Variants in CHRNA7 observed in about 807,000 individuals in gnomAD.
CHRNA7 encodes cholinergic receptor nicotinic alpha 7 subunit.
CHRNA7 carries 17 observed loss-of-function variants against 48.0 expected under a neutral mutation model. The observed-to-expected ratio is 0.35, with a 90% confidence interval of 0.24 to 0.53. The LOEUF is 0.53. CHRNA7 is among the 20% of genes least tolerant of loss of function. The pLI is 0.92. For missense variants in CHRNA7, 155 were observed against 577.7 expected (o/e 0.27, Z 7.50); for synonymous variants, 75 against 242.3 (o/e 0.31, Z 6.41).
chr15:32,114,051 T>TAC (rs1566848908), intron 4 of CHRNA7, among the ~76,000 whole-genome samples: 8 of 57,260 alleles, frequency 1.4e-4, no homozygotes, highest in African/African-American at 4.0e-4. Context: ...TATGTATATA[T>TAC]ATATATATAC....
chr15:32,122,434 A>G (rs2050987599), intron 4 of CHRNA7, among the ~76,000 whole-genome samples: 1 of 152,154 alleles, frequency 6.6e-6, no homozygotes, highest in Admixed American at 6.5e-5. Flanking sequence ...AGGATTATGC[A>G]TTTGAAATTA....
intron 2 of CHRNA7, among the ~76,000 whole-genome samples, chr15:32,033,028 G>A (rs975588318): frequency 6.6e-6 from 1 of 152,184 alleles, no homozygotes; most frequent in Non-Finnish European, 1.5e-5. Flanking sequence ...GGCACTTTGT[G>A]TCAATGACAT....
intron 4 of CHRNA7, among the ~76,000 whole-genome samples, chr15:32,151,915 T>C (rs2051637812): frequency 6.6e-6 from 1 of 152,182 alleles, no homozygotes. Context: ...TGCCTGAGGC[T>C]CTGTAGTCAT....
At chr15:32,136,029 T>C (rs2141326264) in intron 4 of CHRNA7, among the ~76,000 whole-genome samples, 1 of 152,266 alleles carries the variant, frequency 6.6e-6, no homozygotes, top group South Asian at 2.1e-4. Context: ...GGAAAACATA[T>C]ACTAAAGGAG....
At chr15:32,130,873 T>C (rs933800422) in intron 4 of CHRNA7, among the ~76,000 whole-genome samples, 1 of 152,128 alleles carries the variant, frequency 6.6e-6, no homozygotes, top group Non-Finnish European at 1.5e-5. Flanking sequence ...CTCTTAGTTT[T>C]TTCTTCATCT....
intron 2 of CHRNA7, among the ~76,000 whole-genome samples, chr15:32,060,340 G>A (rs1222632025): frequency 6.6e-6 from 1 of 151,648 alleles, no homozygotes; most frequent in East Asian, 1.9e-4. Context: ...ATACATACCT[G>A]TGTGTGTGTG....
chr15:32,150,785 A>G (rs1049119023), intron 4 of CHRNA7, among the ~76,000 whole-genome samples: 6 of 152,194 alleles, frequency 3.9e-5, no homozygotes, highest in South Asian at 2.1e-4. Context: ...GATACTATCC[A>G]GAGTGAGCTT....
At chr15:32,142,912 A>G (rs970234634) in intron 4 of CHRNA7, among the ~76,000 whole-genome samples, 1 of 151,744 alleles carries the variant, frequency 6.6e-6, no homozygotes, top group Non-Finnish European at 1.5e-5. Flanking sequence ...TTGTGTCTCT[A>G]TCTCCTTCAG....
intron 2 of CHRNA7, among the ~76,000 whole-genome samples, chr15:32,061,465 G>A (rs2049877422): frequency 1.3e-5 from 2 of 152,118 alleles, no homozygotes; most frequent in Non-Finnish European, 2.9e-5. Flanking sequence ...TGGCTATTAG[G>A]ACAATTCAGA....
At chr15:32,096,506 A>G (rs918038015) in intron 2 of CHRNA7, among the ~76,000 whole-genome samples, 6 of 152,184 alleles carry the variant, frequency 3.9e-5, no homozygotes, top group Non-Finnish European at 7.4e-5. Context: ...GTCACCGTTT[A>G]TAAACTTTAG....
At chr15:32,039,448 A>T (rs572503728) in intron 2 of CHRNA7, among the ~76,000 whole-genome samples, 5 of 152,102 alleles carry the variant, frequency 3.3e-5, no homozygotes, top group Non-Finnish European at 7.4e-5. Context: ...ACAAATTTTG[A>T]TAAGTTGTGT....
Position 32,143,793 on chromosome 15 carries a change from A to G in CHRNA7, c.351-10114A>G, listed in dbSNP as rs143227520. 4.0e-3 allele frequency among the ~76,000 whole-genome samples: 606 copies of G among 151,668 alleles called. 6 individuals carry two copies. The highest frequency in any genetic ancestry group is 0.014 in the African/African-American group (567 of 41,310). ...TTGGTAGATCTTCCTCCATCCCTTCATTTTGAGCCTATGTGTGTCTCTGCA... is the reference window on the plus strand; with the variant it reads ...TTGGTAGATCTTCCTCCATCCCTTCGTTTTGAGCCTATGTGTGTCTCTGCA... On this transcript the variant is annotated intron_variant, in intron 4 of 9. Coordinates refer to ENST00000306901, the MANE Select transcript of CHRNA7 (RefSeq NM_000746.6).
At chr15:32,119,657 C>T (rs2050933332) in intron 4 of CHRNA7, among the ~76,000 whole-genome samples, 2 of 152,164 alleles carry the variant, frequency 1.3e-5, no homozygotes, top group Non-Finnish European at 2.9e-5. Context: ...TATTCATATT[C>T]TCCTCTTGAC....
At chr15:32,057,034 T>G (rs1338236587) in intron 2 of CHRNA7, among the ~76,000 whole-genome samples, 1 of 152,202 alleles carries the variant, frequency 6.6e-6, no homozygotes, top group Admixed American at 6.5e-5. Context: ...ATAATCTGAT[T>G]GGCTACCACT....
intron 2 of CHRNA7, among the ~76,000 whole-genome samples, chr15:32,072,785 G>A (rs561200756): frequency 6.6e-6 from 1 of 152,364 alleles, no homozygotes; most frequent in South Asian, 2.1e-4. Flanking sequence ...GTGGTACCAT[G>A]TGGTACTAAG....
chr15:32,134,887 G>A (rs1317774288), intron 4 of CHRNA7, among the ~76,000 whole-genome samples: 1 of 152,222 alleles, frequency 6.6e-6, no homozygotes, highest in Non-Finnish European at 1.5e-5. Flanking sequence ...AAGGAGCAGA[G>A]GCAGTTTCCT....
chr15:32,034,731 A>T (rs1289010223), intron 2 of CHRNA7, among the ~76,000 whole-genome samples: 1 of 152,182 alleles, frequency 6.6e-6, no homozygotes, highest in Non-Finnish European at 1.5e-5. Context: ...TAAATTATAG[A>T]TTGGAGTGAA....
intron 4 of CHRNA7, among the ~76,000 whole-genome samples, chr15:32,128,197 C>G (rs1427887233): frequency 6.6e-6 from 1 of 151,938 alleles, no homozygotes; most frequent in Non-Finnish European, 1.5e-5. Flanking sequence ...TTGCTTTCAT[C>G]GTATAGTAAC....
At chr15:32,092,394 C>CT in intron 2 of CHRNA7, among the ~76,000 whole-genome samples, 1 of 152,116 alleles carries the variant, frequency 6.6e-6, no homozygotes, top group East Asian at 1.9e-4. Context: ...CTTATTTGGG[C>CT]TTTTTTCCAG....
Sources: gnomAD v4.1 joint callset for allele counts (sites outside exome capture counted in the v4.1 genomes callset) on GRCh38, gnomAD v4.1.1 for gene constraint, MANE v1.5 for transcripts, NCBI Gene and HGNC (gene_info 2026-07-23, HGNC 2026-07-21) for gene names.